The following DVL1 variants were observed in gnomAD, a reference collection of about 807,000 sequenced individuals.
The protein encoded by DVL1 is dishevelled segment polarity protein 1, also known as segment polarity protein dishevelled homolog DVL-1.
DVL1 carries 49 observed loss-of-function variants against 65.0 expected under a neutral mutation model. The observed-to-expected ratio is 0.75, with a 90% confidence interval of 0.60 to 0.96. DVL1 has a LOEUF of 0.96. DVL1 is among the 40% of genes least tolerant of loss of function. The probability of loss-of-function intolerance (pLI) is 0.00; values close to 1 mark genes in which losing one functional copy is unlikely to be tolerated. For missense variants in DVL1, 1,197 were observed against 1,045.4 expected (o/e 1.15, Z -2.00); for synonymous variants, 608 against 433.9 (o/e 1.40, Z -4.99).
Position 1,339,275 on chromosome 1 carries a change from G to A in DVL1, c.1207+12C>T, listed in dbSNP as rs1643699362. On this transcript the variant is annotated intron_variant, in intron 11 of 14. Coordinates refer to ENST00000378888, the MANE Select transcript of DVL1 (RefSeq NM_001330311.2). ...TCGGTTTCTGCTGGGGCCCTCAGGA[G>A]CTGCCACTTACGTGGAGCACCAGGC... 5 of 1,548,370 alleles carry A rather than the reference G, an allele frequency of 3.2e-6. No homozygotes were observed. The highest frequency in any genetic ancestry group is 4.4e-6 in the Non-Finnish European group (5 of 1,146,856).
chr1:1,336,012 G>A lies in DVL1; in HGVS notation c.*130C>T, dbSNP rs534302833. Reference sequence around the variant, plus strand: ...GAGCAGCCAGGCTGCCAGGGCAGATGGTGGTGGTCCAGCCTGCCCCCCACC... The same window carrying A: ...GAGCAGCCAGGCTGCCAGGGCAGATAGTGGTGGTCCAGCCTGCCCCCCACC... On this transcript the variant is annotated 3_prime_UTR_variant, in exon 15 of 15. Transcript: ENST00000378888. 25 of 1,253,018 alleles carry A rather than the reference G, an allele frequency of 2.0e-5. No homozygotes were observed. The East Asian group carries it at 5.9e-4, about 30-fold the overall frequency. The allele number at this position is 1,253,018 out of a possible 1,614,324, so 77.6% of individuals were successfully genotyped here.
intron 1 of DVL1, among the ~76,000 whole-genome samples, chr1:1,343,603 C>T (rs1004988827): frequency 6.6e-6 from 1 of 152,244 alleles, no homozygotes; most frequent in African/African-American, 2.4e-5. Flanking sequence ...AGGTCCCAGG[C>T]CCTGTGCCTG....
At chr1:1,347,438 G>C (rs1643932071) in intron 1 of DVL1, among the ~76,000 whole-genome samples, 1 of 152,158 alleles carries the variant, frequency 6.6e-6, no homozygotes, top group Non-Finnish European at 1.5e-5. Context: ...TCTCTGCCCT[G>C]GGCAGCCCCC....
At position 1,338,502 on chromosome 1, in the gene DVL1, C is replaced by T; in HGVS notation, c.1339+20G>A. Reference sequence around the variant, plus strand: ...CAGCCCTGCCCCTGGCACTATCCGCCCGCGGGGACGGCCACTCACCGATGA... The same window carrying T: ...CAGCCCTGCCCCTGGCACTATCCGCTCGCGGGGACGGCCACTCACCGATGA... On this transcript the variant is annotated intron_variant, in intron 12 of 14. Coordinates refer to ENST00000378888, the MANE Select transcript of DVL1 (RefSeq NM_001330311.2). 1 of 1,611,804 alleles carries T rather than the reference C, an allele frequency of 6.2e-7. No homozygotes were observed. The highest frequency in any genetic ancestry group is 8.5e-7 in the Non-Finnish European group (1 of 1,179,328).
At position 1,337,982 on chromosome 1, in the gene DVL1, C is replaced by T. The variant is rs1643639642; in HGVS notation, c.1709G>A (p.Ser570Asn). ...YGSGSTGSQQ[S>N]EGSKSSGSTR... ...GGTAGGGGCGGCGTTCTCACCTTCA[C>T]TCTGCTGACTCCCGGTGCTGCCGCT... is the stretch of plus-strand genomic sequence containing the variant. The change falls in exon 14 of 15, where the codon AGT (serine) becomes AAT (asparagine). Residue 570 changes from serine (S) to asparagine (N), a missense_variant. Physicochemically the swap from Ser to Asn is conservative, Grantham distance 46. Coordinates refer to ENST00000378888, the MANE Select transcript of DVL1 (RefSeq NM_001330311.2). 6.2e-7 allele frequency: 1 copy of T among 1,611,120 alleles called. No homozygotes were observed. Among genetic ancestry groups the T allele is most frequent in the Admixed American group, 1.7e-5 (1 of 59,906 alleles).
chr1:1,335,831 G>A lies in DVL1; in HGVS notation c.*311C>T. 1 of 449,502 alleles carries A rather than the reference G, an allele frequency of 2.2e-6. No individual in the cohort carries two copies. Among genetic ancestry groups the A allele is most frequent in the East Asian group, 4.5e-5 (1 of 22,322 alleles). 27.8% of individuals were successfully genotyped at this position (449,502 alleles called of 1,614,324 possible). On this transcript the variant is annotated 3_prime_UTR_variant, in exon 15 of 15. Coordinates refer to ENST00000378888, the MANE Select transcript of DVL1 (RefSeq NM_001330311.2). The stretch of plus-strand genomic sequence containing the variant: ...TGGGGGCCTGGGCACAGCTGTGCAG[G>A]AGGTGGGGGTCAGCCGAGAGCCCGA...
chr1:1,337,155 G>A, intron 14 of DVL1: 13 of 961,632 alleles, frequency 1.4e-5, no homozygotes, highest in Non-Finnish European at 1.5e-5. Flanking sequence ...ACCGCGGGCT[G>A]GGCGGGGCTG....
Position 1,336,591 on chromosome 1 carries a change from AG to A in DVL1, c.1715-77del. 2.7e-6 allele frequency: 4 copies of A among 1,458,536 alleles called. No individual in the cohort carries two copies. The South Asian group carries it at 5.7e-5, about 21-fold the overall frequency. 90.3% of individuals were successfully genotyped at this position (1,458,536 alleles called of 1,614,324 possible). A position where few individuals can be genotyped will look rare whatever the true frequency, so the allele number is the denominator to read the frequency against. ...CACGTCCAGAACAACCGCCCCCGCC[AG>A]GTGACCGGGCAGGAACGGTGGCCCG... On this transcript the variant is annotated intron_variant, in intron 14 of 14. Transcript: ENST00000378888.
rs569048884 is a variant in DVL1 at position 1,339,922 on chromosome 1, C to T, written c.910-110G>A. 3.5e-5 allele frequency: 54 copies of T among 1,550,436 alleles called. No homozygotes were observed. The African/African-American group carries it at 5.6e-4, about 16-fold the overall frequency. ...CCCCAGCAGCCCCCGCAGACCCACC[C>T]GCAGCCGCATGTCCCCCAGCAGCCC... On this transcript the variant is annotated intron_variant, in intron 8 of 14. Transcript: ENST00000378888.
At chr1:1,348,318 C>T (rs1643951362) in intron 1 of DVL1, among the ~76,000 whole-genome samples, 1 of 152,194 alleles carries the variant, frequency 6.6e-6, no homozygotes, top group Non-Finnish European at 1.5e-5. Flanking sequence ...CTTTGTGGCT[C>T]AGTGGGGACG....
chr1:1,339,032 G>A (rs1193493438), intron 11 of DVL1, among the ~76,000 whole-genome samples: 2 of 152,306 alleles, frequency 1.3e-5, no homozygotes, highest in Admixed American at 6.5e-5. Context: ...CCTGGCCCCT[G>A]CCTCTGACGC....
At chr1:1,341,043 A>AC (rs1376407229) in intron 5 of DVL1, among the ~76,000 whole-genome samples, 2 of 143,286 alleles carry the variant, frequency 1.4e-5, no homozygotes, top group East Asian at 2.1e-4. Context: ...GCACACACGC[A>AC]CCCCTGCACA....
chr1:1,338,468 C>T (rs199890964), intron 12 of DVL1, 32 bp from the exon 13 acceptor site: 25 of 1,608,604 alleles, frequency 1.6e-5, no homozygotes, highest in Non-Finnish European at 2.1e-5. Context: ...CCCGCAGCCT[C>T]GAGGCAAGCA....
At chr1:1,337,889 T>C in intron 14 of DVL1, 88 bp downstream of exon 14, 1 of 776,702 alleles carries the variant, frequency 1.3e-6, no homozygotes, top group Non-Finnish European at 1.8e-6. Context: ...AGCAGCGGGG[T>C]GGGGTGGAAC....
chr1:1,343,449 G>A (rs1643877590), intron 1 of DVL1, among the ~76,000 whole-genome samples: 1 of 152,154 alleles, frequency 6.6e-6, no homozygotes, highest in African/African-American at 2.4e-5. Flanking sequence ...CAACAGCCAG[G>A]GCATCAGGCC....
chr1:1,339,102 T>C (rs942590985), intron 11 of DVL1, among the ~76,000 whole-genome samples, 185 bp downstream of exon 11: 1 of 152,166 alleles, frequency 6.6e-6, no homozygotes, highest in African/African-American at 2.4e-5. Flanking sequence ...ACACAGACCA[T>C]GAGCAGGATG....
rs779163520 is a variant in DVL1 at position 1,340,136 on chromosome 1, T to C, written c.811A>G (p.Asn271Asp). Residue 271 changes from asparagine to aspartate, a missense_variant, in exon 8 of 15, where the codon AAC becomes GAC. By Grantham distance (23) the Asn-to-Asp change is conservative (BLOSUM62 1). Coordinates refer to ENST00000378888, the MANE Select transcript of DVL1 (RefSeq NM_001330311.2). ...TAGATGCCGCCGTCTCCACGGTCGT[T>C]GCTCTGCCCCACGATGCTGATGCCC... ...FLGISIVGQS[N>D]DRGDGGIYIG... 2 of 1,613,532 alleles carry C rather than the reference T, an allele frequency of 1.2e-6. No homozygotes were observed. Among genetic ancestry groups the C allele is most frequent in the South Asian group, 2.2e-5 (2 of 91,078 alleles).
At position 1,340,170 on chromosome 1, in the gene DVL1, A is replaced by G. The variant is rs774052301; in HGVS notation, c.777T>C (p.His259=). 1 of 1,613,594 alleles carries G rather than the reference A, an allele frequency of 6.2e-7. No homozygotes were observed. The highest frequency in any genetic ancestry group is 1.1e-5 in the South Asian group (1 of 91,072). Residue 259 remains histidine (H), a synonymous_variant, in exon 8 of 15, where the codon CAT becomes CAC. Transcript: ENST00000378888. ...IVTVTLNMER[H]HFLGISIVGQ... ...CCACGATGCTGATGCCCAGAAAGTG[A>G]TGTCTTTCTGCAGGAAGAGCCATGA...
rs551566986 is a variant in DVL1 at position 1,340,816 on chromosome 1, C to T, written c.606-313G>A. ...CCCCTGCACAAGGCACACATGCACA[C>T]ACCTGCACACACACCTGCACACACG... On this transcript the variant is annotated intron_variant, in intron 5 of 14. Coordinates refer to ENST00000378888, the MANE Select transcript of DVL1 (RefSeq NM_001330311.2). 2.2e-3 allele frequency among the ~76,000 whole-genome samples: 285 copies of T among 129,076 alleles called. 2 individuals are homozygous for T. The highest frequency in any genetic ancestry group is 2.1e-3 in the Non-Finnish European group (134 of 64,780). 84.7% of individuals were successfully genotyped at this position (129,076 alleles called of 152,430 possible). A position where few individuals can be genotyped will look rare whatever the true frequency, so the allele number is the denominator to read the frequency against.
Sources: allele counts gnomAD v4.1 joint callset (sites outside exome capture counted in the v4.1 genomes callset), GRCh38; gene constraint gnomAD v4.1.1; transcripts MANE v1.5; gene names NCBI Gene and HGNC (gene_info 2026-07-23, HGNC 2026-07-21).